Variants in DCC observed in about 807,000 individuals in gnomAD.
The protein encoded by DCC is netrin receptor DCC.
DCC carries 58 observed loss-of-function variants against 172.5 expected under a neutral mutation model. The observed-to-expected ratio is 0.34, with a 90% CI of 0.27 to 0.42. The LOEUF (loss-of-function observed/expected upper bound fraction) is 0.42. Among genes scored for constraint, DCC ranks in the 10% least tolerant of loss-of-function variants. DCC has a pLI of 1.00. For synonymous variants in DCC, 709 were observed against 644.5 expected, an observed-to-expected ratio of 1.10 and a Z score of -1.52; for missense variants, 1,740 against 1,791.0, an observed-to-expected ratio of 0.97 and a Z score of 0.51.
At chr18:52,748,505 G>A (rs921231913) in intron 1 of DCC, among the ~76,000 whole-genome samples, 3 of 152,162 alleles carry the variant, frequency 2.0e-5, no homozygotes, top group Non-Finnish European at 2.9e-5. Context: ...AGTGTGTTTC[G>A]GCTCCTTTGT....
intron 1 of DCC, among the ~76,000 whole-genome samples, chr18:52,707,676 A>G (rs1364800535): frequency 6.6e-6 from 1 of 152,330 alleles, no homozygotes; most frequent in African/African-American, 2.4e-5. Flanking sequence ...AAATGATTCA[A>G]CCTTTAAAAA....
intron 5 of DCC, among the ~76,000 whole-genome samples, chr18:52,940,546 G>A (rs1057271053): frequency 2.0e-5 from 3 of 152,220 alleles, no homozygotes; most frequent in Non-Finnish European, 2.9e-5. Flanking sequence ...ACTGCACTGA[G>A]ACAGATCTTT....
At chr18:52,986,827 C>CAT (rs950037082) in intron 5 of DCC, among the ~76,000 whole-genome samples, 17 of 128,346 alleles carry the variant, frequency 1.3e-4, no homozygotes, top group African/African-American at 5.7e-4. Context: ...CACACACACA[C>CAT]ATATACATAC....
At chr18:53,119,218 G>C (rs1391697298) in intron 7 of DCC, among the ~76,000 whole-genome samples, 3 of 151,736 alleles carry the variant, frequency 2.0e-5, no homozygotes, top group African/African-American at 7.3e-5. Flanking sequence ...TCGTTTCATT[G>C]GCGTACATTC....
intron 1 of DCC, among the ~76,000 whole-genome samples, chr18:52,587,860 A>C (rs956321977): frequency 1.3e-5 from 2 of 152,158 alleles, no homozygotes; most frequent in African/African-American, 4.8e-5. Flanking sequence ...CCATTGGTAC[A>C]GGCTGGGGAT....
At chr18:53,377,134 G>T (rs1478855966) in intron 15 of DCC, among the ~76,000 whole-genome samples, 1 of 152,120 alleles carries the variant, frequency 6.6e-6, no homozygotes, top group Non-Finnish European at 1.5e-5. Context: ...AGGATACAAG[G>T]CTGAGCTTTA....
At chr18:53,070,901 G>C (rs561446707) in intron 7 of DCC, among the ~76,000 whole-genome samples, 1 of 152,182 alleles carries the variant, frequency 6.6e-6, no homozygotes, top group African/African-American at 2.4e-5. Context: ...CACAGGCCGC[G>C]TGCACAGATG....
At chr18:53,172,019 A>T (rs2055021328) in intron 8 of DCC, among the ~76,000 whole-genome samples, 2 of 152,206 alleles carry the variant, frequency 1.3e-5, no homozygotes, top group African/African-American at 4.8e-5. Flanking sequence ...TTAGCCCAGC[A>T]ATCCTATTAA....
chr18:52,876,143 C>T (rs573038513), intron 2 of DCC, among the ~76,000 whole-genome samples: 2 of 151,996 alleles, frequency 1.3e-5, no homozygotes, highest in Non-Finnish European at 2.9e-5. Context: ...TGTAAGCCAA[C>T]AAGGAAACAA....
chr18:52,886,279 A>C (rs2039568018), intron 2 of DCC, among the ~76,000 whole-genome samples: 1 of 152,040 alleles, frequency 6.6e-6, no homozygotes, highest in African/African-American at 2.4e-5. Flanking sequence ...GTTTACTTAG[A>C]ACCCCAGAGC....
chr18:52,998,522 T>A (rs888606980), intron 5 of DCC, among the ~76,000 whole-genome samples: 1 of 152,072 alleles, frequency 6.6e-6, no homozygotes, highest in Non-Finnish European at 1.5e-5. Flanking sequence ...CCCCAAAATC[T>A]TTCCATTAAA....
rs527405713 is a variant in DCC at position 52,718,051 on chromosome 18, C to T, written c.92-34003C>T. 3.3e-5 allele frequency among the ~76,000 whole-genome samples: 5 copies of T among 152,276 alleles called. No homozygotes were observed. The South Asian group carries it at 1.0e-3, about 32-fold the overall frequency. On this transcript the variant is annotated intron_variant, in intron 1 of 28. Coordinates refer to ENST00000442544, the MANE Select transcript of DCC (RefSeq NM_005215.4). The stretch of plus-strand genomic sequence containing the variant: ...CTGCCATTGGGATTATCAATGACTG[C>T]AAGGAGGCATGAGTGGGACTTCTGG...
chr18:53,219,247 A>G (rs2144587404), intron 12 of DCC, among the ~76,000 whole-genome samples: 1 of 152,278 alleles, frequency 6.6e-6, no homozygotes, highest in Middle Eastern at 3.4e-3. Flanking sequence ...TTTTAAAATG[A>G]GAGAGCTGGA....
chr18:53,183,469 A>AT (rs936190204), intron 9 of DCC, among the ~76,000 whole-genome samples: 15 of 151,970 alleles, frequency 9.9e-5, no homozygotes, highest in African/African-American at 3.6e-4. Flanking sequence ...ACATGTGGAG[A>AT]TTTTTTGAAT....
At chr18:52,380,269 T>G (rs1985528947) in intron 1 of DCC, among the ~76,000 whole-genome samples, 1 of 151,904 alleles carries the variant, frequency 6.6e-6, no homozygotes, top group Admixed American at 6.6e-5. Flanking sequence ...ACTATACCAG[T>G]CCCCTAGAAT....
intron 5 of DCC, among the ~76,000 whole-genome samples, chr18:53,011,141 A>G (rs1323168095): frequency 6.6e-6 from 1 of 151,554 alleles, no homozygotes; most frequent in East Asian, 1.9e-4. Flanking sequence ...CAAAAACAAG[A>G]GTATGTAAAT....
chr18:53,210,349 G>A (rs922118237), intron 11 of DCC, among the ~76,000 whole-genome samples: 18 of 152,190 alleles, frequency 1.2e-4, no homozygotes, highest in African/African-American at 4.3e-4. Flanking sequence ...GTTGTAACAG[G>A]TGGATGTTGT....
chr18:53,138,405 A>C (rs1312551519), intron 7 of DCC, among the ~76,000 whole-genome samples: 1 of 152,214 alleles, frequency 6.6e-6, no homozygotes, highest in Non-Finnish European at 1.5e-5. Flanking sequence ...GTTGCCTACT[A>C]TTCATAAAGT....
intron 1 of DCC, among the ~76,000 whole-genome samples, chr18:52,718,586 C>T (rs1365675018): frequency 6.6e-6 from 1 of 152,110 alleles, no homozygotes; most frequent in Non-Finnish European, 1.5e-5. Context: ...CCTTAAAAGC[C>T]CTGCCTCCGT....
Sources: allele counts gnomAD v4.1 joint callset (sites outside exome capture counted in the v4.1 genomes callset), GRCh38; gene constraint gnomAD v4.1.1; transcripts MANE v1.5; gene names NCBI Gene and HGNC (gene_info 2026-07-23, HGNC 2026-07-21).